Variants in TBC1D1 observed in about 807,000 individuals in gnomAD.
TBC1D1 encodes the protein TBC1 domain family member 1.
Under a neutral mutation model 125.6 loss-of-function variants are expected in TBC1D1, and 89 were observed. The observed-to-expected ratio is 0.71, with a 90% CI of 0.60 to 0.85. The LOEUF is 0.85. Among genes scored for constraint, TBC1D1 ranks in the 40% least tolerant of loss-of-function variants. TBC1D1 has a pLI of 0.00. For missense variants in TBC1D1, 1,377 were observed against 1,469.2 expected (o/e 0.94, Z 1.03); for synonymous variants, 565 against 564.1 (o/e 1.00, Z -0.02).
Position 37,958,274 on chromosome 4 carries a change from G to A in TBC1D1, c.417+55762G>A, listed in dbSNP as rs1027361524. ...CCTAGAAAACCCATTCTCTGAGCAG[G>A]CCATTTTCATCTCTAACCAATAAAC... On this transcript the variant is annotated intron_variant, in intron 2 of 19. Coordinates refer to ENST00000261439, the MANE Select transcript of TBC1D1 (RefSeq NM_015173.4). 3.3e-5 allele frequency among the ~76,000 whole-genome samples: 5 copies of A among 152,278 alleles called. No homozygotes were observed. In the East Asian group the frequency reaches 5.8e-4, roughly 18 times the overall value.
intron 2 of TBC1D1, among the ~76,000 whole-genome samples, chr4:37,990,848 C>G (rs373666188): frequency 6.6e-5 from 10 of 152,314 alleles, no homozygotes; most frequent in African/African-American, 2.4e-4. Flanking sequence ...GCTGGATGTA[C>G]TAGACCACCA....
At chr4:38,076,056 G>A (rs888898461) in intron 12 of TBC1D1, among the ~76,000 whole-genome samples, 9 of 152,084 alleles carry the variant, frequency 5.9e-5, no homozygotes, top group Non-Finnish European at 8.8e-5. Flanking sequence ...GTATTAGTCC[G>A]TTCTCACACT....
intron 13 of TBC1D1, among the ~76,000 whole-genome samples, chr4:38,092,272 A>G (rs989723967): frequency 6.6e-6 from 1 of 152,188 alleles, no homozygotes; most frequent in Non-Finnish European, 1.5e-5. Flanking sequence ...AATGAAACAA[A>G]TTTTACTAAG....
intron 2 of TBC1D1, among the ~76,000 whole-genome samples, chr4:37,934,311 C>T (rs950088348): frequency 4.6e-5 from 7 of 152,260 alleles, no homozygotes; most frequent in East Asian, 1.9e-4. Flanking sequence ...AGGTGCAGGG[C>T]GTCCCAGAGG....
intron 2 of TBC1D1, chr4:37,961,211 T>C: frequency 1.4e-6 from 1 of 732,478 alleles, no homozygotes. Context: ...CCGTACTCTT[T>C]GGGGATATGT....
At chr4:37,905,212 A>AT (rs1293793323) in intron 2 of TBC1D1, among the ~76,000 whole-genome samples, 1 of 152,232 alleles carries the variant, frequency 6.6e-6, no homozygotes, top group Non-Finnish European at 1.5e-5. Context: ...ACTTCAAAAC[A>AT]TTTTGTGGAA....
intron 2 of TBC1D1, among the ~76,000 whole-genome samples, chr4:37,935,809 C>T (rs1422365469): frequency 1.3e-5 from 2 of 152,206 alleles, no homozygotes; most frequent in South Asian, 2.1e-4. Context: ...TCCTACCCCT[C>T]CCAATGGCTT....
Position 37,929,727 on chromosome 4 carries a change from T to G in TBC1D1, c.417+27215T>G, listed in dbSNP as rs187816381. ...TTGAATAGCTGAATAGGATTTTGACTTGTATAGGAATTCAGAAAGGAAATG... is the reference window on the plus strand; with the variant it reads ...TTGAATAGCTGAATAGGATTTTGACGTGTATAGGAATTCAGAAAGGAAATG... On this transcript the variant is annotated intron_variant, in intron 2 of 19. Transcript: ENST00000261439. Among the ~76,000 whole-genome samples, 11 of 152,350 alleles carry G rather than the reference T, an allele frequency of 7.2e-5. 1 individual carries two copies. The highest frequency in any genetic ancestry group is 2.6e-4 in the African/African-American group (11 of 41,586).
chr4:38,029,012 T>C (rs1414471159), intron 7 of TBC1D1, among the ~76,000 whole-genome samples: 1 of 152,198 alleles, frequency 6.6e-6, no homozygotes, highest in African/African-American at 2.4e-5. Context: ...CTCTTGCCCT[T>C]GCATTTAGAT....
chr4:38,107,577 G>GTTTTTTTTTTT (rs3038351), intron 15 of TBC1D1, among the ~76,000 whole-genome samples: 3 of 53,100 alleles, frequency 5.6e-5, no homozygotes, highest in East Asian at 7.2e-4. Context: ...GTCTAAACAG[G>GTTTTTTTTTTT]TTTTTTTTTT....
In TBC1D1 at chr4:38,049,692, C is replaced by T; in HGVS notation, c.1704C>T (p.Asp568=). ...TTAAGCTCCTCGGCTCCTCGGAGGA[C>T]CTGTCCAGTGACTCGGAGAGTCATC... The change falls in exon 11 of 20, where the codon GAC becomes GAT. Residue 568 remains aspartate (D), a synonymous_variant. Transcript: ENST00000261439. 6.2e-7 allele frequency: 1 copy of T among 1,614,170 alleles called. No homozygotes were observed. The highest frequency in any genetic ancestry group is 8.5e-7 in the Non-Finnish European group (1 of 1,180,020).
At chr4:37,924,699 G>T (rs1313388999) in intron 2 of TBC1D1, among the ~76,000 whole-genome samples, 2 of 152,180 alleles carry the variant, frequency 1.3e-5, no homozygotes, top group Non-Finnish European at 2.9e-5. Context: ...AGCAGTATCA[G>T]AATTGTATTC....
chr4:38,040,509 C>T (rs888954611), intron 8 of TBC1D1, among the ~76,000 whole-genome samples: 8 of 152,206 alleles, frequency 5.3e-5, no homozygotes, highest in Non-Finnish European at 1.2e-4. Context: ...GGATGTTCTC[C>T]GTCTCTTGTC....
chr4:38,031,261 C>T (rs1411848082), intron 7 of TBC1D1, among the ~76,000 whole-genome samples: 4 of 152,172 alleles, frequency 2.6e-5, no homozygotes, highest in Non-Finnish European at 4.4e-5. Context: ...TAATTAAATA[C>T]TGACTAGATA....
At chr4:38,130,021 A>G (rs1244730676) in intron 18 of TBC1D1, among the ~76,000 whole-genome samples, 3 of 152,240 alleles carry the variant, frequency 2.0e-5, no homozygotes, top group Admixed American at 6.5e-5. Context: ...ATGTATCCTC[A>G]GGAAATAATC....
intron 18 of TBC1D1, among the ~76,000 whole-genome samples, chr4:38,128,980 AT>A (rs912437581): frequency 6.6e-6 from 1 of 152,106 alleles, no homozygotes; most frequent in African/African-American, 2.4e-5. Flanking sequence ...CAAATAGCCT[AT>A]TTTCAGCATC....
rs573830465 is a variant in TBC1D1, at chr4:38,017,805, G to T, written c.883-549G>T. On this transcript the variant is annotated intron_variant, in intron 3 of 19. Coordinates refer to ENST00000261439, the MANE Select transcript of TBC1D1 (RefSeq NM_015173.4). The stretch of plus-strand genomic sequence containing the variant: ...TGCAGGGGCGTGTGCACACAGAGTA[G>T]GTTGGGTATTGCAACACAGCAGTCT... Among the ~76,000 whole-genome samples the T allele has an allele frequency of 5.3e-5, 8 of 152,266 alleles. No homozygotes were observed. In the South Asian group the frequency reaches 1.7e-3, roughly 32 times the overall value.
chr4:37,960,760 A>AC, intron 2 of TBC1D1: 1 of 1,614,152 alleles, frequency 6.2e-7, no homozygotes. Context: ...GCCTCAGATG[A>AC]CGCCTATCCA....
At chr4:37,969,004 G>T (rs1731562602) in intron 2 of TBC1D1, among the ~76,000 whole-genome samples, 1 of 152,176 alleles carries the variant, frequency 6.6e-6, no homozygotes, top group East Asian at 1.9e-4. Context: ...AACAATTGGA[G>T]CACAGTCTTG....
Sources: allele counts gnomAD v4.1 joint callset (sites outside exome capture counted in the v4.1 genomes callset), GRCh38; gene constraint gnomAD v4.1.1; transcripts MANE v1.5; gene names NCBI Gene and HGNC (gene_info 2026-07-23, HGNC 2026-07-21).